The following QTGAL variants were observed in gnomAD, a reference collection of about 807,000 sequenced individuals.
The protein encoded by QTGAL is queuosine-tRNA galactosyltransferase.
the QTGAL span, among the ~76,000 whole-genome samples, chr17:83,050,674 G>A: frequency 1.3e-5 from 2 of 152,220 alleles, no homozygotes; most frequent in Non-Finnish European, 2.9e-5. Context: ...CTATTGGCTG[G>A]GTCTGAACCC....
chr17:83,024,742 G>A, the QTGAL span, among the ~76,000 whole-genome samples: 8 of 152,354 alleles, frequency 5.3e-5, no homozygotes, highest in South Asian at 2.1e-4. Context: ...CATGATGCCC[G>A]CAACATCGGC....
At chr17:83,048,366 C>G in the QTGAL span, 1 of 1,042,154 alleles carries the variant, frequency 9.6e-7, no homozygotes, top group African/African-American at 1.6e-5. Flanking sequence ...CCAATTACCA[C>G]CAGGATACTT....
At chr17:83,044,176 C>T in the QTGAL span, among the ~76,000 whole-genome samples, 1 of 152,156 alleles carries the variant, frequency 6.6e-6, no homozygotes, top group Non-Finnish European at 1.5e-5. Flanking sequence ...ACAAAGATAT[C>T]ATATGAATAG....
chr17:83,039,517 G>A, the QTGAL span, among the ~76,000 whole-genome samples: 3 of 105,272 alleles, frequency 2.8e-5, no homozygotes, highest in African/African-American at 6.9e-5. Flanking sequence ...CTGGGCGCCC[G>A]CCGCCCGCCC....
the QTGAL span, among the ~76,000 whole-genome samples, chr17:82,963,384 G>C: frequency 2.8e-4 from 43 of 152,330 alleles, no homozygotes; most frequent in Non-Finnish European, 2.4e-4. Flanking sequence ...GGGGACAGAA[G>C]GGGGAGAGCT....
chr17:82,954,431 A>C, the QTGAL span, among the ~76,000 whole-genome samples: 1 of 152,156 alleles, frequency 6.6e-6, no homozygotes, highest in Non-Finnish European at 1.5e-5. Flanking sequence ...TACAACTTAT[A>C]GGGGATGTGA....
chr17:82,946,191 T>G, the QTGAL span, among the ~76,000 whole-genome samples: 1 of 152,088 alleles, frequency 6.6e-6, no homozygotes, highest in Non-Finnish European at 1.5e-5. Context: ...TATCAAAATA[T>G]GCAAGAATGG....
the QTGAL span, among the ~76,000 whole-genome samples, chr17:82,993,856 T>C: frequency 1.3e-5 from 2 of 152,018 alleles, no homozygotes; most frequent in Non-Finnish European, 2.9e-5. Context: ...ATAAGAGGAA[T>C]TTTGGAAACT....
the QTGAL span, among the ~76,000 whole-genome samples, chr17:83,027,733 C>T: frequency 1.4e-5 from 2 of 144,894 alleles, no homozygotes; most frequent in Non-Finnish European, 3.0e-5. Context: ...AAGCAAGCCA[C>T]TTACAGGGAA....
At chr17:83,033,760 C>T in the QTGAL span, among the ~76,000 whole-genome samples, 1 of 151,998 alleles carries the variant, frequency 6.6e-6, no homozygotes, top group Non-Finnish European at 1.5e-5. Flanking sequence ...CGTGAGCCAC[C>T]GCGCCCGGCC....
the QTGAL span, among the ~76,000 whole-genome samples, chr17:83,037,738 A>G: frequency 6.6e-6 from 1 of 152,226 alleles, no homozygotes; most frequent in East Asian, 1.9e-4. This position sits in a 1 kb window ranked among gnomAD's most constrained non-coding sequence, Gnocchi z 5.2. Flanking sequence ...TGTTAGCGTC[A>G]GGTTTCAGGA....
chr17:83,006,693 G>A, the QTGAL span: 12 of 985,366 alleles, frequency 1.2e-5, no homozygotes, highest in Middle Eastern at 5.2e-4. The surrounding 1 kb of genome is among the most constrained non-coding windows in gnomAD (Gnocchi z 5.8). Flanking sequence ...TGCAGGAGGC[G>A]GCCTTCTGTG....
the QTGAL span, among the ~76,000 whole-genome samples, chr17:82,992,579 A>G: frequency 1.3e-5 from 2 of 152,250 alleles, no homozygotes; most frequent in Non-Finnish European, 2.9e-5. Flanking sequence ...GAGTACTTTA[A>G]TCAGAAAGAA....
chr17:83,047,596 TCAATCCTTATCAAAGAACAAG>T, the QTGAL span, among the ~76,000 whole-genome samples: 659 of 136,116 alleles, frequency 4.8e-3, no homozygotes, highest in East Asian at 6.9e-3. Context: ...AGGTCTATAA[TCAATCCTTATCAAAGAACAAG>T]AAATTTAAGT....
chr17:83,015,454 T>C, the QTGAL span, among the ~76,000 whole-genome samples: 1 of 152,376 alleles, frequency 6.6e-6, no homozygotes, highest in East Asian at 1.9e-4. This position sits in a 1 kb window ranked among gnomAD's most constrained non-coding sequence, Gnocchi z 4.4. Context: ...TATTTTCAAA[T>C]GCCATTCAGC....
the QTGAL span, chr17:82,956,629 CG>C: frequency 3.4e-6 from 5 of 1,451,882 alleles, no homozygotes; most frequent in South Asian, 6.8e-5. The surrounding 1 kb of genome is among the most constrained non-coding windows in gnomAD (Gnocchi z 5.7). Context: ...CACAGCAGGG[CG>C]GGTTGTCCAG....
At chr17:82,970,499 G>A in the QTGAL span, among the ~76,000 whole-genome samples, 1 of 120,350 alleles carries the variant, frequency 8.3e-6, no homozygotes, top group South Asian at 2.7e-4. Flanking sequence ...GACGACCTGA[G>A]AAAACAAACA....
chr17:83,011,378 T>G, the QTGAL span: 2 of 152,232 alleles, frequency 1.3e-5, no homozygotes, highest in African/African-American at 4.8e-5. Context: ...CAAAGGTCCT[T>G]CCTAATTAGC....
At chr17:83,043,055 G>A in the QTGAL span, among the ~76,000 whole-genome samples, 3 of 152,182 alleles carry the variant, frequency 2.0e-5, no homozygotes, top group South Asian at 2.1e-4. Flanking sequence ...CTGAATTGGA[G>A]GGAGAAACAG....
Sources: gnomAD v4.1 joint callset for allele counts (sites outside exome capture counted in the v4.1 genomes callset) on GRCh38, gnomAD v4.1.1 for gene constraint, Gnocchi (gnomAD v3.1) non-coding constraint, MANE v1.5 for transcripts, NCBI Gene and HGNC (gene_info 2026-07-23, HGNC 2026-07-21) for gene names.